Variants in LTBP1 observed in about 807,000 individuals in gnomAD.
The protein encoded by LTBP1 is latent transforming growth factor beta binding protein 1.
Under a neutral mutation model 207.6 loss-of-function variants are expected in LTBP1, and 129 were observed. The ratio of observed to expected loss-of-function variants is 0.62; its 90% CI spans 0.54 to 0.72. The LOEUF is 0.72. Among genes scored for constraint, LTBP1 ranks in the 30% least tolerant of loss-of-function variants. The probability of loss-of-function intolerance (pLI) is 0.00; values close to 1 mark genes in which losing one functional copy is unlikely to be tolerated. For synonymous variants in LTBP1, 963 were observed against 833.7 expected (o/e 1.16, Z -2.67); for missense variants, 2,281 against 2,217.2 (o/e 1.03, Z -0.58).
intron 31 of LTBP1, among the ~76,000 whole-genome samples, chr2:33,382,815 A>G (rs1032664680): frequency 2.0e-5 from 3 of 152,244 alleles, no homozygotes; most frequent in Non-Finnish European, 4.4e-5. Context: ...CCAGTTTTGC[A>G]TCACAACACC....
chr2:33,103,614 TGTGTGTGTGTGTGA>T (rs1311038109), intron 3 of LTBP1, among the ~76,000 whole-genome samples: 22 of 141,430 alleles, frequency 1.6e-4, no homozygotes, highest in South Asian at 4.7e-4. Flanking sequence ...TGTGTGTGTG[TGTGTGTGTGTGTGA>T]GTGTTATGCT....
chr2:33,385,398 G>T (rs1342019866), intron 31 of LTBP1, among the ~76,000 whole-genome samples: 2 of 151,986 alleles, frequency 1.3e-5, no homozygotes, highest in African/African-American at 4.8e-5. Flanking sequence ...TTATAATACT[G>T]TCTTTAAAAA....
chr2:33,320,409 A>AG (rs545115381), intron 24 of LTBP1, among the ~76,000 whole-genome samples: 173 of 152,104 alleles, frequency 1.1e-3, no homozygotes, highest in African/African-American at 4.1e-3. Flanking sequence ...AAAAAAAAAA[A>AG]AAGAAAAGGT....
At chr2:33,087,084 C>CTTTT (rs35334788) in intron 3 of LTBP1, among the ~76,000 whole-genome samples, 3,606 of 88,134 alleles carry the variant, frequency 0.041, 252 homozygotes, top group African/African-American at 0.063. Context: ...CTCCTTTATG[C>CTTTT]TTTTTTTTTT....
chr2:32,954,831 A>C (rs971107136), intron 2 of LTBP1, among the ~76,000 whole-genome samples: 2 of 152,130 alleles, frequency 1.3e-5, no homozygotes, highest in African/African-American at 4.8e-5. Flanking sequence ...CTGCCACACA[A>C]TCTGTGACTG....
At chr2:32,993,691 A>G (rs1049596511) in intron 2 of LTBP1, among the ~76,000 whole-genome samples, 1 of 152,138 alleles carries the variant, frequency 6.6e-6, no homozygotes, top group Non-Finnish European at 1.5e-5. Context: ...GTCTTTGGTG[A>G]GTGGCTCTTC....
intron 2 of LTBP1, among the ~76,000 whole-genome samples, chr2:32,955,017 A>G (rs1220327612): frequency 1.3e-5 from 2 of 152,202 alleles, no homozygotes; most frequent in Non-Finnish European, 2.9e-5. Flanking sequence ...CAGCGGGACC[A>G]CTGGAAGGGT....
intron 4 of LTBP1, among the ~76,000 whole-genome samples, chr2:33,120,341 C>T (rs2081033151): frequency 6.6e-6 from 1 of 152,088 alleles, no homozygotes; most frequent in Admixed American, 6.5e-5. Context: ...CTCCTTTTAC[C>T]CTCCCACTTA....
At chr2:33,304,133 G>A (rs917589170) in intron 22 of LTBP1, among the ~76,000 whole-genome samples, 15 of 152,162 alleles carry the variant, frequency 9.9e-5, no homozygotes, top group African/African-American at 3.4e-4. Flanking sequence ...ATGTATATAA[G>A]ATATGACTAT....
chr2:32,985,254 G>A (rs941115473), intron 2 of LTBP1, among the ~76,000 whole-genome samples: 3 of 106,986 alleles, frequency 2.8e-5, no homozygotes, highest in South Asian at 3.4e-4. Flanking sequence ...CCTTTGCTGA[G>A]TGACATGGTA....
intron 24 of LTBP1, among the ~76,000 whole-genome samples, chr2:33,319,042 G>T (rs2094315054): frequency 6.6e-6 from 1 of 152,198 alleles, no homozygotes; most frequent in Non-Finnish European, 1.5e-5. Flanking sequence ...CAAGGCTGCA[G>T]TGAGCTATGG....
chr2:33,184,412 G>A (rs1241575282), intron 5 of LTBP1, among the ~76,000 whole-genome samples: 3 of 151,780 alleles, frequency 2.0e-5, no homozygotes, highest in Admixed American at 6.6e-5. Context: ...AGCAACATAG[G>A]TTTACTCATT....
In LTBP1 at chr2:33,000,185, G is replaced by T. The variant is rs1210705292; in HGVS notation, c.566-20724G>T. ...TTACTTGGAGAAACTAAAAAGTACA[G>T]GGCTCCAGGCCTTGCCCCAGCTCCT... is the stretch of plus-strand genomic sequence containing the variant. On this transcript the variant is annotated intron_variant, in intron 2 of 33. Transcript: ENST00000404816. Among the ~76,000 whole-genome samples the T allele has an allele frequency of 1.5e-5, 2 of 135,418 alleles. 1 individual carries two copies. The highest frequency in any genetic ancestry group is 3.3e-5 in the Non-Finnish European group (2 of 61,510). The allele number at this position is 135,418 out of a possible 152,430, so 88.8% of individuals were successfully genotyped here.
chr2:33,095,504 G>A (rs555735182), intron 3 of LTBP1, among the ~76,000 whole-genome samples: 5 of 152,116 alleles, frequency 3.3e-5, no homozygotes, highest in Non-Finnish European at 7.4e-5. Flanking sequence ...ACATTATTTA[G>A]AGTAAGATAG....
At chr2:33,328,015 A>G (rs1442388300) in intron 24 of LTBP1, among the ~76,000 whole-genome samples, 1 of 151,890 alleles carries the variant, frequency 6.6e-6, no homozygotes, top group Non-Finnish European at 1.5e-5. Context: ...CACGCCTGTA[A>G]TCTCAGCTAC....
chr2:33,381,063 C>T (rs768704549), intron 31 of LTBP1, among the ~76,000 whole-genome samples: 3 of 152,168 alleles, frequency 2.0e-5, no homozygotes, highest in Admixed American at 2.0e-4. Context: ...ACATGCTGAA[C>T]ACTCTTTTCA....
intron 25 of LTBP1, among the ~76,000 whole-genome samples, chr2:33,347,143 C>T (rs939230773): frequency 6.9e-6 from 1 of 145,770 alleles, no homozygotes; most frequent in African/African-American, 2.6e-5. Flanking sequence ...AAAAAAAAAC[C>T]TAAATTCGGA....
At chr2:33,259,756 C>T (rs373035113) in intron 13 of LTBP1, 146 bp downstream of exon 13, 1 of 632,008 alleles carries the variant, frequency 1.6e-6, no homozygotes, top group Non-Finnish European at 2.5e-6. Context: ...TTCAGTTATT[C>T]CAAAAAAATT....
intron 24 of LTBP1, among the ~76,000 whole-genome samples, chr2:33,325,780 A>G (rs1487996915): frequency 6.6e-6 from 1 of 152,176 alleles, no homozygotes. Flanking sequence ...TGGAGCTAAA[A>G]CACTCCACTT....
Sources: allele counts gnomAD v4.1 joint callset (sites outside exome capture counted in the v4.1 genomes callset), GRCh38; gene constraint gnomAD v4.1.1; transcripts MANE v1.5; gene names NCBI Gene and HGNC (gene_info 2026-07-23, HGNC 2026-07-21).